EHMT1: variants seen among roughly 807,000 people sequenced by gnomAD.
EHMT1 encodes histone-lysine N-methyltransferase EHMT1.
A neutral mutation model predicts 147.2 loss-of-function variants in EHMT1; 15 were observed. That is an observed-to-expected ratio of 0.10 (90% CI 0.07 to 0.16). The LOEUF (loss-of-function observed/expected upper bound fraction) is 0.16. Ranked by LOEUF, EHMT1 falls within the 10% of genes least tolerant of loss-of-function variation. The pLI is 1.00. For synonymous variants in EHMT1, 795 were observed against 709.6 expected (o/e 1.12, Z -1.91); for missense variants, 1,587 against 1,772.4 (o/e 0.90, Z 1.88).
At chr9:137,779,827 T>C in intron 14 of EHMT1, 110 bp downstream of exon 14, 1 of 1,222,142 alleles carries the variant, frequency 8.2e-7, no homozygotes, top group Non-Finnish European at 1.2e-6. Context: ...TTTGGTTTTC[T>C]GTTTCTGTGT....
At chr9:137,688,675 A>G (rs1942668140) in intron 1 of EHMT1, among the ~76,000 whole-genome samples, 1 of 152,204 alleles carries the variant, frequency 6.6e-6, no homozygotes, top group South Asian at 2.1e-4. Context: ...ATTTTAATAG[A>G]TTGTCCAACC....
intron 1 of EHMT1, among the ~76,000 whole-genome samples, chr9:137,666,716 G>GTGAT (rs1939699034): frequency 6.6e-6 from 1 of 152,204 alleles, no homozygotes. Context: ...TGTGGGTTGT[G>GTGAT]TGATGATCCT....
intron 1 of EHMT1, chr9:137,697,196 A>G (rs1943465637): frequency 9.1e-6 from 3 of 329,612 alleles, no homozygotes; most frequent in Non-Finnish European, 1.9e-5. Flanking sequence ...CAGGAGAATC[A>G]TGTGAACCTG....
At chr9:137,804,673 C>A (rs144454245) in intron 18 of EHMT1, among the ~76,000 whole-genome samples, 1 of 152,282 alleles carries the variant, frequency 6.6e-6, no homozygotes, top group Admixed American at 6.5e-5. Context: ...CAAAGATATT[C>A]TCCCACATTT....
intron 26 of EHMT1, 88 bp downstream of exon 26, chr9:137,834,612 C>T (rs1956472403): frequency 5.0e-6 from 8 of 1,596,898 alleles, no homozygotes; most frequent in African/African-American, 4.0e-5. Context: ...GGGCTTGTCT[C>T]GGGTTTATGC....
intron 1 of EHMT1, among the ~76,000 whole-genome samples, chr9:137,621,704 G>T (rs899059070): frequency 1.7e-4 from 26 of 152,134 alleles, no homozygotes; most frequent in African/African-American, 6.3e-4. Context: ...GCATCTTAGG[G>T]TTTAAATATG....
Position 137,818,021 on chromosome 9 carries a change from C to T in EHMT1, c.3462-39C>T, listed in dbSNP as rs372108254. 2.5e-5 allele frequency: 40 copies of T among 1,608,964 alleles called. No homozygotes were observed. The African/African-American group carries it at 4.8e-4, about 19-fold the overall frequency. On this transcript the variant is annotated intron_variant, in intron 24 of 26. Transcript: ENST00000460843. ...TGTGCTTGTCTGTGGGCAGTGCTCG[C>T]TGCCTTCCAGGGCCTCACCTGCACC...
chr9:137,798,710 C>A, intron 16 of EHMT1, 103 bp from the exon 17 acceptor site: 1 of 936,652 alleles, frequency 1.1e-6, no homozygotes, highest in Non-Finnish European at 1.8e-6. Context: ...GACAGTACCC[C>A]ACCCGCATGG....
intron 1 of EHMT1, among the ~76,000 whole-genome samples, chr9:137,705,629 G>A (rs111275201): frequency 0.011 from 1,621 of 152,340 alleles, 21 homozygotes; most frequent in African/African-American, 0.037. Flanking sequence ...CCGTGCGGGC[G>A]CAGAGGTCAG....
At chr9:137,744,584 T>TTAC (rs1470783361) in intron 6 of EHMT1, among the ~76,000 whole-genome samples, 1 of 152,216 alleles carries the variant, frequency 6.6e-6, no homozygotes, top group East Asian at 1.9e-4. Context: ...TCTCCCAGTG[T>TTAC]TGGGAATACA....
In EHMT1 at chr9:137,717,240, G is replaced by A. The variant is rs561717951; in HGVS notation, c.642+58G>A. On this transcript the variant is annotated intron_variant, in intron 3 of 26. Coordinates refer to ENST00000460843, the MANE Select transcript of EHMT1 (RefSeq NM_024757.5). ...TTCCCATCTCTTTTGTTTTAATAACGGCAAATGGACTTTGGTGCATTGAGG... is the reference window on the plus strand; with the variant it reads ...TTCCCATCTCTTTTGTTTTAATAACAGCAAATGGACTTTGGTGCATTGAGG... 428 of 1,587,336 alleles carry A rather than the reference G, an allele frequency of 2.7e-4. No homozygotes were observed. Among genetic ancestry groups the A allele is most frequent in the Non-Finnish European group, 3.6e-4 (421 of 1,171,574 alleles).
chr9:137,675,877 G>A (rs1221034212), intron 1 of EHMT1, among the ~76,000 whole-genome samples: 1 of 139,190 alleles, frequency 7.2e-6, no homozygotes. Flanking sequence ...TCCGCCTCCC[G>A]GGTTCACGCC....
chr9:137,772,163 G>T (rs1950628669), intron 10 of EHMT1, among the ~76,000 whole-genome samples: 1 of 151,982 alleles, frequency 6.6e-6, no homozygotes, highest in African/African-American at 2.4e-5. Flanking sequence ...GTTATTTATG[G>T]CTAAAATGGC....
intron 6 of EHMT1, chr9:137,745,676 T>C (rs1948486683): frequency 2.5e-6 from 1 of 397,276 alleles, no homozygotes. Flanking sequence ...GTCGCTCCAG[T>C]GCACTGTCTG....
intron 1 of EHMT1, among the ~76,000 whole-genome samples, chr9:137,695,388 A>T (rs1246325992): frequency 2.0e-5 from 3 of 151,878 alleles, no homozygotes; most frequent in Non-Finnish European, 4.4e-5. Context: ...GTTTGCTCTG[A>T]CCCCTGCTGG....
chr9:137,719,318 G>C (rs1180008709), intron 3 of EHMT1, among the ~76,000 whole-genome samples: 1 of 152,140 alleles, frequency 6.6e-6, no homozygotes, highest in Non-Finnish European at 1.5e-5. Context: ...CCTGTCTGCA[G>C]TGACCACAGT....
rs758919334 is a variant in EHMT1 at position 137,762,680 on chromosome 9, G to A, written c.1507G>A (p.Ala503Thr). 6.2e-7 allele frequency: 1 copy of A among 1,614,200 alleles called. No homozygotes were observed. Residue 503 changes from alanine (A) to threonine (T), a missense_variant, in exon 10 of 27, where the codon GCC becomes ACC. This residue lies in a region of EHMT1 where 810 missense variants were observed against 673.0 expected (regional missense o/e 1.20). Transcript: ENST00000460843. The stretch of plus-strand genomic sequence containing the variant: ...ATGTGTCTGTGTGACGTTAGGGTTG[G>A]CCAACGGTCCAGATGTGCTGGAGAC... Reference protein sequence around the residue: ...GILSSQAEGLANGPDVLETDG... With the variant: ...GILSSQAEGLTNGPDVLETDG...
At chr9:137,639,079 C>T (rs1329332924) in intron 1 of EHMT1, among the ~76,000 whole-genome samples, 1 of 152,120 alleles carries the variant, frequency 6.6e-6, no homozygotes, top group Non-Finnish European at 1.5e-5. Flanking sequence ...AGAATATTTT[C>T]TATTTTCCCT....
chr9:137,728,706 G>A (rs1264688037), intron 4 of EHMT1, 177 bp downstream of exon 4: 1 of 734,828 alleles, frequency 1.4e-6, no homozygotes, highest in Non-Finnish European at 2.3e-6. Context: ...CCTGACCTCT[G>A]CTCTAAGCCT....
Sources: gnomAD v4.1 joint callset for allele counts (sites outside exome capture counted in the v4.1 genomes callset) on GRCh38, gnomAD v4.1.1 for gene constraint, gnomAD v4.1.1 regional missense constraint, MANE v1.5 for transcripts, NCBI Gene and HGNC (gene_info 2026-07-23, HGNC 2026-07-21) for gene names.